The following MEA1 variants were observed in gnomAD, a reference collection of about 807,000 sequenced individuals.
The protein encoded by MEA1 is male-enhanced antigen 1, also known as Male-enhanced antigen (H-Y structural gene).
In MEA1, 22 loss-of-function variants were observed where a neutral mutation model predicts 21.4. The ratio of observed to expected loss-of-function variants is 1.03; its 90% CI spans 0.73 to 1.47. The LOEUF is 1.47. Ranked by LOEUF, MEA1 falls within the 40% of genes most tolerant of loss-of-function variation. MEA1 has a pLI of 0.00. For synonymous variants in MEA1, 91 were observed against 85.5 expected (o/e 1.06, Z -0.35); for missense variants, 233 against 230.5 (o/e 1.01, Z -0.07).
rs1762347218 is a variant in MEA1 at position 43,011,435 on chromosome 6, G to A, written c.*1035C>T. ...AGGGGGATGTGGGCACTTGAAGCAG[G>A]GACACCCACAGAATGGTCCCTCTTC... is the stretch of plus-strand genomic sequence containing the variant. On this transcript the variant is annotated 3_prime_UTR_variant, in exon 4 of 4. Transcript: ENST00000244711. The A allele has an allele frequency of 2.8e-6, 3 of 1,083,434 alleles. No individual in the cohort carries two copies. Among genetic ancestry groups the A allele is most frequent in the Non-Finnish European group, 3.9e-6 (3 of 766,572 alleles). The allele number at this position is 1,083,434 out of a possible 1,614,324, so 67.1% of individuals were successfully genotyped here. A position where few individuals can be genotyped will look rare whatever the true frequency, so the allele number is the denominator to read the frequency against.
chr6:43,014,592 C>G (rs574442542), upstream of MEA1: 10 of 457,856 alleles, frequency 2.2e-5, no homozygotes, highest in Non-Finnish European at 4.4e-5. Context: ...AAGACTGGGC[C>G]ATGAAAACAG....
chr6:43,015,615 C>T (rs899740916), upstream of MEA1, among the ~76,000 whole-genome samples: 1 of 151,684 alleles, frequency 6.6e-6, no homozygotes. Context: ...TTCAGGAGAC[C>T]GAGGACGGTG....
rs1762431959 is a variant in MEA1, at chr6:43,013,095, C to G, written c.303+20G>C. 1 of 1,614,070 alleles carries G rather than the reference C, an allele frequency of 6.2e-7. No homozygotes were observed. Among genetic ancestry groups the G allele is most frequent in the Non-Finnish European group, 8.5e-7 (1 of 1,180,010 alleles). The stretch of plus-strand genomic sequence containing the variant: ...GAGCCCAGCTTCACCTGTTCAGGAA[C>G]CATCCCTCCTCCACCCTACCTGGAT... On this transcript the variant is annotated intron_variant, in intron 2 of 3. Coordinates refer to ENST00000244711, the MANE Select transcript of MEA1 (RefSeq NM_014623.4).
chr6:43,014,609 T>A (rs1254879529), upstream of MEA1: 3 of 456,492 alleles, frequency 6.6e-6, no homozygotes, highest in East Asian at 2.1e-4. Context: ...ACAGGGAAGC[T>A]GAGCATAATG....
Position 43,012,477 on chromosome 6 carries a change from C to A in MEA1, c.551G>T (p.Trp184Leu). ...ALQARQASPAWK is the reference protein window; with the variant it reads ...ALQARQASPALK ...AGGCAGCTCTCACTGTGGTCACTTC[C>A]AGGCAGGGGATGCCTGCCGGGCTTG... The change falls in exon 4 of 4, where the codon TGG (tryptophan) becomes TTG (leucine). Residue 184 changes from tryptophan to leucine, a missense_variant. Coordinates refer to ENST00000244711, the MANE Select transcript of MEA1 (RefSeq NM_014623.4). The A allele has an allele frequency of 6.3e-7, 1 of 1,598,460 alleles. No individual in the cohort carries two copies.
Position 43,012,025 on chromosome 6 carries a change from C to CT in MEA1, c.*444dup. The CT allele has an allele frequency of 4.6e-6, 1 of 216,002 alleles. No individual in the cohort carries two copies. Among genetic ancestry groups the CT allele is most frequent in the Non-Finnish European group, 8.0e-6 (1 of 125,504 alleles). The allele number at this position is 216,002 out of a possible 1,614,324, so 13.4% of individuals were successfully genotyped here. The stretch of plus-strand genomic sequence containing the variant: ...ATGGAAGGGACCACCCTGGGGCTGA[C>CT]TGCTTTTCTGTGCTGTTGGTTCCCA... On this transcript the variant is annotated 3_prime_UTR_variant, in exon 4 of 4. Coordinates refer to ENST00000244711, the MANE Select transcript of MEA1 (RefSeq NM_014623.4).
chr6:43,011,387 G>A lies in MEA1; in HGVS notation c.*1083C>T. On this transcript the variant is annotated 3_prime_UTR_variant, in exon 4 of 4. Transcript: ENST00000244711. The stretch of plus-strand genomic sequence containing the variant: ...CTACTGGCTGTCTTGGGGGAAGGCA[G>A]CGCCTCTCTAGCTACTCAAGGGAGG... The A allele has an allele frequency of 6.7e-7, 1 of 1,485,916 alleles. No homozygotes were observed. Among genetic ancestry groups the A allele is most frequent in the Non-Finnish European group, 9.1e-7 (1 of 1,095,452 alleles). 92.0% of individuals were successfully genotyped at this position (1,485,916 alleles called of 1,614,324 possible).
chr6:43,015,508 CAG>C (rs952051651), upstream of MEA1, among the ~76,000 whole-genome samples: 20 of 152,158 alleles, frequency 1.3e-4, no homozygotes, highest in African/African-American at 4.6e-4. Context: ...GAAAAAACCT[CAG>C]ATGTACCCAG....
Position 43,012,254 on chromosome 6 carries a change from T to C in MEA1, c.*216A>G, listed in dbSNP as rs1320367869. 7.7e-7 allele frequency: 1 copy of C among 1,303,388 alleles called. No individual in the cohort carries two copies. Among genetic ancestry groups the C allele is most frequent in the Non-Finnish European group, 9.8e-7 (1 of 1,025,020 alleles). The allele number at this position is 1,303,388 out of a possible 1,614,324, so 80.7% of individuals were successfully genotyped here. On this transcript the variant is annotated 3_prime_UTR_variant, in exon 4 of 4. Transcript: ENST00000244711. ...TTGGCTGTGTACATAGGGTGCTTTA[T>C]TCTCCACAGAGTGATACATGCTAAG... is the stretch of plus-strand genomic sequence containing the variant.
Position 43,012,961 on chromosome 6 carries a change from G to T in MEA1, c.371C>A (p.Ala124Glu). ...SEDEDEEGAT[A>E]LNNHSSIPMD... ...GGGAATAGAGCTGTGGTTGTTCAAC[G>T]CTGTAGCTCCCTCCTCATCTTCATC... The change falls in exon 3 of 4, where the codon GCG (alanine) becomes GAG (glutamate). Residue 124 changes from alanine (A) to glutamate (E), a missense_variant. Transcript: ENST00000244711. The T allele has an allele frequency of 6.2e-7, 1 of 1,614,112 alleles. No individual in the cohort carries two copies. The highest frequency in any genetic ancestry group is 1.1e-5 in the South Asian group (1 of 91,078).
upstream of MEA1, chr6:43,014,281 G>A: frequency 2.6e-6 from 2 of 779,452 alleles, no homozygotes; most frequent in South Asian, 3.8e-5. Flanking sequence ...GCGTCGGTTG[G>A]CGCGCAACGG....
chr6:43,015,745 G>A (rs567603184), upstream of MEA1, among the ~76,000 whole-genome samples: 4 of 151,884 alleles, frequency 2.6e-5, 1 homozygote, highest in African/African-American at 9.7e-5. Context: ...AGCTACTTGG[G>A]AGGCTGAGGC....
At chr6:43,014,135 G>A (rs865883862), upstream of MEA1, 7 of 1,415,776 alleles carry the variant, frequency 4.9e-6, no homozygotes, top group South Asian at 9.7e-5. Flanking sequence ...CCACTCCTCA[G>A]CCCTCTCGTC....
rs781037245 is a variant in MEA1 at position 43,013,750 on chromosome 6, C to T, written c.28+36G>A. The stretch of plus-strand genomic sequence containing the variant: ...CCCCTAAACAGGTCGGCGTACCCGC[C>T]CCCTTCTCCCCTCTCCTAGAGGACC... On this transcript the variant is annotated intron_variant, in intron 1 of 3. Coordinates refer to ENST00000244711, the MANE Select transcript of MEA1 (RefSeq NM_014623.4). 8.3e-6 allele frequency: 13 copies of T among 1,569,488 alleles called. No homozygotes were observed. In the South Asian group the frequency reaches 1.4e-4, roughly 16 times the overall value.
upstream of MEA1, chr6:43,013,953 A>T: frequency 6.9e-7 from 1 of 1,449,678 alleles, no homozygotes; most frequent in Non-Finnish European, 9.1e-7. Flanking sequence ...AGAGGTGCCT[A>T]GTCCTCCAGC....
At chr6:43,014,384 A>T, upstream of MEA1, 5 of 444,568 alleles carry the variant, frequency 1.1e-5, no homozygotes, top group Admixed American at 2.7e-5. Context: ...AGGGAGAATT[A>T]GGGGGCTTAG....
At position 43,012,300 on chromosome 6, in the gene MEA1, T is replaced by C. The variant is rs758451717; in HGVS notation, c.*170A>G. 25 of 1,386,256 alleles carry C rather than the reference T, an allele frequency of 1.8e-5. No homozygotes were observed. Among genetic ancestry groups the C allele is most frequent in the Non-Finnish European group, 2.3e-5 (25 of 1,068,870 alleles). 85.9% of individuals were successfully genotyped at this position (1,386,256 alleles called of 1,614,324 possible). A position where few individuals can be genotyped will look rare whatever the true frequency, so the allele number is the denominator to read the frequency against. ...CTAAGGTGGGTTGGGCTTGGACCGA[T>C]GTCCCCATATGTACAGAACTGAATA... On this transcript the variant is annotated 3_prime_UTR_variant, in exon 4 of 4. Coordinates refer to ENST00000244711, the MANE Select transcript of MEA1 (RefSeq NM_014623.4).
In MEA1 at chr6:43,012,219, A is replaced by G; in HGVS notation, c.*251T>C. 1 of 1,191,430 alleles carries G rather than the reference A, an allele frequency of 8.4e-7. No individual in the cohort carries two copies. The highest frequency in any genetic ancestry group is 1.0e-6 in the Non-Finnish European group (1 of 961,006). The allele number at this position is 1,191,430 out of a possible 1,614,324, so 73.8% of individuals were successfully genotyped here. On this transcript the variant is annotated 3_prime_UTR_variant, in exon 4 of 4. Transcript: ENST00000244711. ...GGACCCAGGTTCCAGGGGCGCAGGC[A>G]GTGCGGCTTTTGGCTGTGTACATAG...
upstream of MEA1, chr6:43,014,010 C>T (rs1261266158): frequency 7.0e-7 from 1 of 1,421,492 alleles, no homozygotes; most frequent in African/African-American, 1.4e-5. Flanking sequence ...AGGAGTCCGC[C>T]CCTTGCCCCG....
Sources: gnomAD v4.1 joint callset for allele counts (sites outside exome capture counted in the v4.1 genomes callset) on GRCh38, gnomAD v4.1.1 for gene constraint, MANE v1.5 for transcripts, NCBI Gene and HGNC (gene_info 2026-07-23, HGNC 2026-07-21) for gene names.